Variants in MAP4K5 observed in about 807,000 individuals in gnomAD.
MAP4K5 encodes the protein mitogen-activated protein kinase kinase kinase kinase 5.
A neutral mutation model predicts 135.6 loss-of-function variants in MAP4K5; 82 were observed. That is an observed-to-expected ratio of 0.60 (90% confidence interval 0.51 to 0.73). MAP4K5 has a LOEUF of 0.73. Among genes scored for constraint, MAP4K5 ranks in the 30% least tolerant of loss-of-function variants. The pLI, the probability that MAP4K5 is intolerant of heterozygous loss-of-function variation, is 0.00. For missense variants in MAP4K5, 907 were observed against 1,010.9 expected (o/e 0.90, Z 1.39); for synonymous variants, 347 against 335.0 (o/e 1.04, Z -0.39).
chr14:50,490,875 A>G (rs1011199733), intron 3 of MAP4K5, among the ~76,000 whole-genome samples: 1 of 152,302 alleles, frequency 6.6e-6, no homozygotes, highest in South Asian at 2.1e-4. Context: ...ACTTGTAAAA[A>G]CATAGTAAGA....
chr14:50,506,403 G>C (rs1233374388), intron 2 of MAP4K5, among the ~76,000 whole-genome samples: 1 of 152,176 alleles, frequency 6.6e-6, no homozygotes, highest in East Asian at 1.9e-4. Flanking sequence ...CTGTCACCCA[G>C]GATGGAGTGC....
intron 6 of MAP4K5, among the ~76,000 whole-genome samples, chr14:50,479,796 T>C (rs1333236532): frequency 6.6e-6 from 1 of 152,198 alleles, no homozygotes; most frequent in African/African-American, 2.4e-5. Context: ...AATACTCCAA[T>C]ACTCTGAAGC....
chr14:50,554,394 G>A (rs2038740158), intron 1 of MAP4K5, among the ~76,000 whole-genome samples: 1 of 152,118 alleles, frequency 6.6e-6, no homozygotes, highest in Admixed American at 6.5e-5. Flanking sequence ...CACAAGCCAT[G>A]GCTATACTTT....
chr14:50,429,100 A>G (rs1422356673), intron 29 of MAP4K5, 92 bp downstream of exon 29: 7 of 768,766 alleles, frequency 9.1e-6, no homozygotes, highest in Non-Finnish European at 1.4e-5. Context: ...TTTTTAGTAA[A>G]AACAGTAAAA....
intron 2 of MAP4K5, among the ~76,000 whole-genome samples, chr14:50,513,779 C>A (rs1353586058): frequency 6.6e-6 from 1 of 152,206 alleles, no homozygotes; most frequent in Non-Finnish European, 1.5e-5. Context: ...CAACTGTGGA[C>A]TTCAGTTTTA....
intron 2 of MAP4K5, among the ~76,000 whole-genome samples, chr14:50,523,076 C>T (rs2038184378): frequency 6.6e-6 from 1 of 152,200 alleles, no homozygotes; most frequent in Non-Finnish European, 1.5e-5. Context: ...CTTTGGGAGG[C>T]TGAGGCGGGT....
At chr14:50,448,253 G>A (rs1316944859) in intron 15 of MAP4K5, among the ~76,000 whole-genome samples, 1 of 152,142 alleles carries the variant, frequency 6.6e-6, no homozygotes, top group African/African-American at 2.4e-5. Flanking sequence ...GACCTCAGGT[G>A]ATCTGTCTGC....
chr14:50,495,919 A>AGTT (rs1003025284), intron 3 of MAP4K5, among the ~76,000 whole-genome samples: 1 of 152,230 alleles, frequency 6.6e-6, no homozygotes, highest in South Asian at 2.1e-4. Flanking sequence ...GGCAGCAAAG[A>AGTT]GTTGTTGTTG....
At chr14:50,542,731 G>T (rs987836401) in intron 1 of MAP4K5, 4 of 152,038 alleles carry the variant, frequency 2.6e-5, no homozygotes, top group African/African-American at 9.7e-5. Flanking sequence ...TTTATTAATG[G>T]TCTGCATAAT....
At chr14:50,472,570 G>GA (rs1252232213) in intron 9 of MAP4K5, 1 of 152,110 alleles carries the variant, frequency 6.6e-6, no homozygotes, top group African/African-American at 2.4e-5. Context: ...ATACTGGGGG[G>GA]AAAATATGCA....
At chr14:50,531,504 A>G (rs115951124) in intron 2 of MAP4K5, among the ~76,000 whole-genome samples, 10 of 152,322 alleles carry the variant, frequency 6.6e-5, no homozygotes, top group African/African-American at 2.4e-4. Context: ...AGGGTTTCAT[A>G]TGGCTTTTTT....
intron 1 of MAP4K5, among the ~76,000 whole-genome samples, chr14:50,548,289 T>C (rs1472313290): frequency 6.6e-6 from 1 of 152,150 alleles, no homozygotes; most frequent in Non-Finnish European, 1.5e-5. Context: ...CCTCAGCCCA[T>C]TGTACACCCT....
intron 1 of MAP4K5, among the ~76,000 whole-genome samples, chr14:50,546,279 A>G (rs2038630431): frequency 1.3e-5 from 2 of 152,318 alleles, no homozygotes; most frequent in South Asian, 4.1e-4. Context: ...AATTTTGTCA[A>G]AAATGATATG....
rs564510822 is a variant in MAP4K5 at position 50,452,530 on chromosome 14, A to G, written c.1016-3698T>C. Among the ~76,000 whole-genome samples, 24 of 152,260 alleles carry G rather than the reference A, an allele frequency of 1.6e-4. No individual in the cohort carries two copies. The South Asian group carries it at 5.0e-3, about 32-fold the overall frequency. On this transcript the variant is annotated intron_variant, in intron 14 of 32. Coordinates refer to ENST00000682126, the MANE Select transcript of MAP4K5 (RefSeq NM_006575.6). Reference sequence around the variant, plus strand: ...ATTACATTTCCAGTTATTAACTGTAACTCAGAGTACACACAGTTTTCCATT... The same window carrying G: ...ATTACATTTCCAGTTATTAACTGTAGCTCAGAGTACACACAGTTTTCCATT...
At chr14:50,550,183 T>C (rs1372318642) in intron 1 of MAP4K5, among the ~76,000 whole-genome samples, 1 of 152,206 alleles carries the variant, frequency 6.6e-6, no homozygotes, top group Admixed American at 6.5e-5. Flanking sequence ...GCAGATTGCA[T>C]AGGCAAGGCT....
chr14:50,460,890 A>AT (rs2036697221), intron 13 of MAP4K5, among the ~76,000 whole-genome samples: 1 of 152,104 alleles, frequency 6.6e-6, no homozygotes, highest in East Asian at 1.9e-4. Context: ...AATTACTTTC[A>AT]TTTTTTGTCC....
At chr14:50,488,884 T>C (rs146114952) in intron 3 of MAP4K5, among the ~76,000 whole-genome samples, 1 of 152,350 alleles carries the variant, frequency 6.6e-6, no homozygotes, top group African/African-American at 2.4e-5. Context: ...AAATCTTCTG[T>C]GAACTGAAAT....
intron 2 of MAP4K5, among the ~76,000 whole-genome samples, chr14:50,510,894 T>A (rs117754529): frequency 0.015 from 2,329 of 152,276 alleles, 36 homozygotes; most frequent in East Asian, 0.069. Context: ...CTTTGGCAGT[T>A]TCTCACAAAG....
At chr14:50,423,097 A>G (rs893601561) in intron 32 of MAP4K5, 24 bp downstream of exon 32, 6 of 1,286,730 alleles carry the variant, frequency 4.7e-6, no homozygotes, top group Non-Finnish European at 6.6e-6. Context: ...TTTGGTAATT[A>G]AATTAATACA....
Sources: allele counts gnomAD v4.1 joint callset (sites outside exome capture counted in the v4.1 genomes callset), GRCh38; gene constraint gnomAD v4.1.1; transcripts MANE v1.5; gene names NCBI Gene and HGNC (gene_info 2026-07-23, HGNC 2026-07-21).